The following PIK3CD variants were observed in gnomAD, a reference collection of about 807,000 sequenced individuals.
The protein encoded by PIK3CD is phosphatidylinositol-4,5-bisphosphate 3-kinase catalytic subunit delta.
A neutral mutation model predicts 122.9 loss-of-function variants in PIK3CD; 20 were observed. That is an observed-to-expected ratio of 0.16 (90% CI 0.11 to 0.24). The LOEUF (loss-of-function observed/expected upper bound fraction) is 0.24, where lower values mean the gene tolerates loss of function less well. PIK3CD is among the 10% of genes least tolerant of loss of function. The pLI is 1.00. For missense variants in PIK3CD, 787 were observed against 1,406.3 expected, an observed-to-expected ratio of 0.56 and a Z score of 7.04; for synonymous variants, 596 against 593.4, an observed-to-expected ratio of 1.00 and a Z score of -0.06.
Position 9,684,902 on chromosome 1 carries a change from C to CT in PIK3CD, c.-137-6554dup, listed in dbSNP as rs1022834889. Among the ~76,000 whole-genome samples the CT allele has an allele frequency of 2.6e-3, 372 of 144,716 alleles. 3 individuals are homozygous for CT. Among genetic ancestry groups the CT allele is most frequent in the Middle Eastern group, 0.018 (5 of 278 alleles). 94.9% of individuals were successfully genotyped at this position (144,716 alleles called of 152,430 possible). ...AAAGAATGAGCAATGCAAACCCAAG[C>CT]TTTTTTTTTTTCTCTCTCTGCTTAT... On this transcript the variant is annotated intron_variant, in intron 1 of 23. Coordinates refer to ENST00000377346, the MANE Select transcript of PIK3CD (RefSeq NM_005026.5).
At chr1:9,709,202 A>G (rs1646956701) in intron 2 of PIK3CD, among the ~76,000 whole-genome samples, 1 of 151,700 alleles carries the variant, frequency 6.6e-6, no homozygotes, top group African/African-American at 2.4e-5. Context: ...GCTAATTTTT[A>G]TATTTTTAGT....
At position 9,715,397 on chromosome 1, in the gene PIK3CD, A is replaced by G; in HGVS notation, c.142-144A>G. The G allele has an allele frequency of 1.4e-6, 1 of 693,116 alleles. No individual in the cohort carries two copies. 42.9% of individuals were successfully genotyped at this position (693,116 alleles called of 1,614,324 possible). On this transcript the variant is annotated intron_variant, in intron 3 of 23. Transcript: ENST00000377346. The surrounding 1 kb of genome is among the most constrained non-coding windows in gnomAD (Gnocchi z 4.1). ...CCATGGTCAGCACCCAGGGGGCTGC[A>G]GAGAGTGCAGATCTTGGGGTCTGCC... is the stretch of plus-strand genomic sequence containing the variant.
Position 9,715,865 on chromosome 1 carries a change from C to T in PIK3CD, c.387C>T (p.Asp129=), listed in dbSNP as rs1647331547. Residue 129 remains aspartate (D), a synonymous_variant, in exon 5 of 24, where the codon GAC becomes GAT. Transcript: ENST00000377346. The surrounding 1 kb of genome is among the most constrained non-coding windows in gnomAD (Gnocchi z 4.1). ...ACCCCGCAGGCCTCCACGAGTTTGA[C>T]TCCTTGTGCGACCCAGAAGTGAACG... is the stretch of plus-strand genomic sequence containing the variant. ...LLIGKGLHEF[D]SLCDPEVNDF... is the part of the protein sequence containing the mutation. 6.2e-7 allele frequency: 1 copy of T among 1,609,418 alleles called. No individual in the cohort carries two copies.
At chr1:9,680,756 T>C (rs1219071711) in intron 1 of PIK3CD, 2 of 152,266 alleles carry the variant, frequency 1.3e-5, no homozygotes, top group Non-Finnish European at 2.9e-5. Flanking sequence ...AAGCATGGAA[T>C]AGTGCTGGCC....
rs1244378191 is a variant in PIK3CD at position 9,652,610 on chromosome 1, T to C, written c.-138+808T>C. On this transcript the variant is annotated intron_variant, in intron 1 of 23. Transcript: ENST00000377346. The surrounding 1 kb of genome is among the most constrained non-coding windows in gnomAD (Gnocchi z 6.2). ...ACTCTTACCCGTAATTCAGCCTGAA[T>C]GAGGCTTTTTAAAAAAATCGAGTTT... 6.6e-6 allele frequency: 1 copy of C among 152,288 alleles called. No individual in the cohort carries two copies. The highest frequency in any genetic ancestry group is 1.5e-5 in the Non-Finnish European group (1 of 68,048). The allele number at this position is 152,288 out of a possible 1,614,324, so 9.4% of individuals were successfully genotyped here.
chr1:9,637,772 C>CA, the PIK3CD span, among the ~76,000 whole-genome samples: 1 of 152,046 alleles, frequency 6.6e-6, no homozygotes, highest in Non-Finnish European at 1.5e-5. Context: ...AAGCTGCAGA[C>CA]ACGGGAATAC....
chr1:9,676,657 G>A (rs1173794332), intron 1 of PIK3CD, among the ~76,000 whole-genome samples: 2 of 152,190 alleles, frequency 1.3e-5, no homozygotes, highest in East Asian at 1.9e-4. Context: ...GCAGTGGTAC[G>A]GTGGTAAAGA....
intron 1 of PIK3CD, among the ~76,000 whole-genome samples, chr1:9,656,057 G>A (rs1184555995): frequency 6.6e-6 from 1 of 152,114 alleles, no homozygotes; most frequent in Non-Finnish European, 1.5e-5. Context: ...CATTTCCAAA[G>A]TGGTATTTCG....
the PIK3CD span, among the ~76,000 whole-genome samples, chr1:9,643,517 A>T: frequency 6.6e-6 from 1 of 151,798 alleles, no homozygotes; most frequent in South Asian, 2.1e-4. Context: ...AAGAAAGATT[A>T]AAAAAATAAA....
At chr1:9,631,693 C>T in the PIK3CD span, among the ~76,000 whole-genome samples, 2 of 152,208 alleles carry the variant, frequency 1.3e-5, no homozygotes, top group Admixed American at 6.5e-5. Context: ...GGGGGCAGGT[C>T]GGCCTAATGG....
chr1:9,665,125 G>A (rs886472863), intron 1 of PIK3CD, among the ~76,000 whole-genome samples: 7 of 147,996 alleles, frequency 4.7e-5, no homozygotes, highest in African/African-American at 1.8e-4. Flanking sequence ...GATTGCCTGA[G>A]CCCTGGAGGT....
In PIK3CD at chr1:9,717,362, G is replaced by C. The variant is rs1410063713; in HGVS notation, c.931-175G>C. ...GAGCTCAGGGGTGTTGGGGCCCCCTGGGGAGCCCGCATGGCAGGTTTTCTG... is the reference window on the plus strand; with the variant it reads ...GAGCTCAGGGGTGTTGGGGCCCCCTCGGGAGCCCGCATGGCAGGTTTTCTG... On this transcript the variant is annotated intron_variant, in intron 7 of 23. Coordinates refer to ENST00000377346, the MANE Select transcript of PIK3CD (RefSeq NM_005026.5). The surrounding 1 kb of genome is among the most constrained non-coding windows in gnomAD (Gnocchi z 5.4). 6.6e-6 allele frequency among the ~76,000 whole-genome samples: 1 copy of C among 151,644 alleles called. No individual in the cohort carries two copies. Among genetic ancestry groups the C allele is most frequent in the Non-Finnish European group, 1.5e-5 (1 of 67,736 alleles).
At chr1:9,672,410 A>G (rs1645358288) in intron 1 of PIK3CD, 1 of 152,080 alleles carries the variant, frequency 6.6e-6, no homozygotes, top group Non-Finnish European at 1.5e-5. Flanking sequence ...CACAATTAGG[A>G]TGAGAAATGC....
chr1:9,699,891 C>T lies in PIK3CD; in HGVS notation c.-33+8320C>T, dbSNP rs185432853. Among the ~76,000 whole-genome samples the T allele has an allele frequency of 8.4e-4, 128 of 152,332 alleles. 3 individuals carry two copies. The East Asian group carries it at 0.021, about 25-fold the overall frequency. On this transcript the variant is annotated intron_variant, in intron 2 of 23. Coordinates refer to ENST00000377346, the MANE Select transcript of PIK3CD (RefSeq NM_005026.5). ...TACAGGCGTGAGCCACCGCCCCCGG[C>T]CCAGGCCTTTGCACTTTCTGTCCCC... is the stretch of plus-strand genomic sequence containing the variant.
intron 1 of PIK3CD, among the ~76,000 whole-genome samples, chr1:9,681,426 T>C (rs1645746851): frequency 6.6e-6 from 1 of 152,052 alleles, no homozygotes; most frequent in Non-Finnish European, 1.5e-5. Flanking sequence ...TTTTTGTTTG[T>C]TTGTTTGAGA....
In PIK3CD at chr1:9,716,029, G is replaced by A. The variant is rs755725121; in HGVS notation, c.551G>A (p.Arg184Gln). The A allele has an allele frequency of 8.1e-6, 13 of 1,612,542 alleles. No individual in the cohort carries two copies. Among genetic ancestry groups the A allele is most frequent in the Admixed American group, 6.7e-5 (4 of 59,976 alleles). ...SAQTWGPGTL[R>Q]LPNRALLVNV... ...CAAACCTGGGGGCCTGGTACCCTGCGGCTCCCGAACCGGGCCCTTCTGGTC... is the reference window on the plus strand; with the variant it reads ...CAAACCTGGGGGCCTGGTACCCTGCAGCTCCCGAACCGGGCCCTTCTGGTC... Residue 184 changes from arginine (R) to glutamine (Q), a missense_variant, in exon 5 of 24, where the codon CGG becomes CAG. Arg to Gln is a conservative substitution (Grantham distance 43, BLOSUM62 1). Transcript: ENST00000377346.
chr1:9,691,387 T>C, intron 1 of PIK3CD, 80 bp from the exon 2 acceptor site: 3 of 395,768 alleles, frequency 7.6e-6, no homozygotes, highest in Non-Finnish European at 1.3e-5. Flanking sequence ...GCTAACGTCC[T>C]GTAAGAGAAT....
intron 1 of PIK3CD, among the ~76,000 whole-genome samples, chr1:9,656,708 T>C (rs1644864426): frequency 6.6e-6 from 1 of 152,112 alleles, no homozygotes; most frequent in African/African-American, 2.4e-5. Flanking sequence ...TTTGGGAGGC[T>C]GAGGCGGGTG....
At chr1:9,678,895 G>A (rs572868343) in intron 1 of PIK3CD, among the ~76,000 whole-genome samples, 10 of 152,172 alleles carry the variant, frequency 6.6e-5, no homozygotes, top group East Asian at 1.9e-4. Flanking sequence ...ACTTTCCTGC[G>A]TCTTTGGGTG....
Sources: gnomAD v4.1 joint callset for allele counts (sites outside exome capture counted in the v4.1 genomes callset) on GRCh38, gnomAD v4.1.1 for gene constraint, Gnocchi (gnomAD v3.1) non-coding constraint, MANE v1.5 for transcripts, NCBI Gene and HGNC (gene_info 2026-07-23, HGNC 2026-07-21) for gene names.